FOLH1: variants seen among roughly 807,000 people sequenced by gnomAD.
FOLH1 encodes the protein glutamate carboxypeptidase 2.
Under a neutral mutation model 93.9 loss-of-function variants are expected in FOLH1, and 54 were observed. That is an observed-to-expected ratio of 0.57 (90% confidence interval 0.46 to 0.72). The LOEUF (loss-of-function observed/expected upper bound fraction) is 0.72. Ranked by LOEUF, FOLH1 falls within the 30% of genes least tolerant of loss-of-function variation. The pLI is 0.00. For synonymous variants in FOLH1, 249 were observed against 303.6 expected, an observed-to-expected ratio of 0.82 and a Z score of 1.87; for missense variants, 571 against 892.5, an observed-to-expected ratio of 0.64 and a Z score of 4.59.
At chr11:49,182,261 G>T (rs976102857) in intron 7 of FOLH1, among the ~76,000 whole-genome samples, 2 of 150,166 alleles carry the variant, frequency 1.3e-5, no homozygotes, top group African/African-American at 4.9e-5. Flanking sequence ...CCCAGGAGGC[G>T]GGGGTTGCAG....
intron 11 of FOLH1, among the ~76,000 whole-genome samples, chr11:49,170,244 T>C (rs991909922): frequency 6.6e-6 from 1 of 152,228 alleles, no homozygotes. Flanking sequence ...AAATATTCTG[T>C]GGTGGAAATT....
intron 3 of FOLH1, among the ~76,000 whole-genome samples, chr11:49,194,132 CAA>C (rs55656827): frequency 2.4e-4 from 17 of 71,564 alleles, no homozygotes; most frequent in African/African-American, 5.8e-4. Context: ...GCCTGGGTGA[CAA>C]AAAAAAAAAA....
chr11:49,208,040 T>G (rs1864169956), intron 1 of FOLH1: 1 of 645,018 alleles, frequency 1.6e-6, no homozygotes, highest in Admixed American at 2.3e-5. Context: ...ACGCCCAGTT[T>G]CAGGTTCTCT....
In FOLH1 at chr11:49,156,716, C is replaced by A; in HGVS notation, c.1623+1G>T. The A allele has an allele frequency of 6.2e-7, 1 of 1,612,486 alleles. No homozygotes were observed. The highest frequency in any genetic ancestry group is 2.2e-5 in the East Asian group (1 of 44,732). On this transcript the variant is annotated splice_donor_variant, in intron 15 of 18. Transcript: ENST00000256999. LOFTEE classifies it high-confidence loss of function. ...TCTTAGATAATTTGAGATTCACTTA[C>A]CCAATTTTTAGTATACCGTGCTCTG... is the stretch of plus-strand genomic sequence containing the variant.
At chr11:49,155,908 T>C (rs946238471) in intron 15 of FOLH1, among the ~76,000 whole-genome samples, 45 of 149,326 alleles carry the variant, frequency 3.0e-4, no homozygotes, top group Non-Finnish European at 2.7e-4. Context: ...GATTTGACTC[T>C]GTGTCCCCAC....
chr11:49,166,557 G>A (rs1299376014), intron 12 of FOLH1, among the ~76,000 whole-genome samples: 1 of 152,158 alleles, frequency 6.6e-6, no homozygotes, highest in African/African-American at 2.4e-5. Flanking sequence ...CAACATGATG[G>A]AAACACCCAA....
In FOLH1 at chr11:49,200,166, G is replaced by C. The variant is rs376750461; in HGVS notation, c.411+89C>G. 2.0e-5 allele frequency: 23 copies of C among 1,153,102 alleles called. No homozygotes were observed. The African/African-American group carries it at 3.1e-4, about 16-fold the overall frequency. 71.4% of individuals were successfully genotyped at this position (1,153,102 alleles called of 1,614,324 possible). ...TAATATTGATTTCTATTAATATTTA[G>C]AGATGGGATAGAACATTATTTCATA... On this transcript the variant is annotated intron_variant, in intron 3 of 18. Transcript: ENST00000256999.
intron 7 of FOLH1, among the ~76,000 whole-genome samples, chr11:49,177,858 G>A (rs1213878981): frequency 3.3e-5 from 5 of 151,568 alleles, no homozygotes; most frequent in African/African-American, 7.3e-5. Context: ...AGCTATTTGG[G>A]AGGCTGAGGC....
Position 49,185,798 on chromosome 11 carries a change from C to A in FOLH1, c.697G>T (p.Asp233Tyr). 1 of 1,606,254 alleles carries A rather than the reference C, an allele frequency of 6.2e-7. No homozygotes were observed. Among genetic ancestry groups the A allele is most frequent in the Non-Finnish European group, 8.5e-7 (1 of 1,177,276 alleles). ...GACTTCACCCCAGGAGCAAAGTAGT[C>A]AGCAGGGTCGGAGTAGAGAATGACT... ...KGVILYSDPA[D>Y]YFAPGVKSYP... Residue 233 changes from aspartate (D) to tyrosine (Y), a missense_variant, in exon 6 of 19, where the codon GAC becomes TAC. By Grantham distance (160) the Asp-to-Tyr change is radical. Transcript: ENST00000256999.
intron 13 of FOLH1, among the ~76,000 whole-genome samples, chr11:49,160,720 G>A (rs1269808889): frequency 6.6e-6 from 1 of 152,172 alleles, no homozygotes; most frequent in African/African-American, 2.4e-5. Context: ...GGGATTACAG[G>A]TGTGAGCCAC....
At chr11:49,191,904 T>C (rs1328060276) in intron 4 of FOLH1, among the ~76,000 whole-genome samples, 2 of 152,302 alleles carry the variant, frequency 1.3e-5, no homozygotes, top group East Asian at 3.9e-4. Context: ...TTCCCCATGT[T>C]GGCCAGGCTG....
At chr11:49,194,292 A>G (rs549569700) in intron 3 of FOLH1, among the ~76,000 whole-genome samples, 2 of 152,150 alleles carry the variant, frequency 1.3e-5, no homozygotes, top group South Asian at 2.1e-4. Flanking sequence ...CTGTTTATAT[A>G]GTATGCCTCA....
At chr11:49,171,885 C>T (rs1859358246) in intron 10 of FOLH1, among the ~76,000 whole-genome samples, 1 of 152,064 alleles carries the variant, frequency 6.6e-6, no homozygotes, top group Non-Finnish European at 1.5e-5. Flanking sequence ...CTGGTTCTCT[C>T]ACTAGCAGCG....
chr11:49,167,754 G>C (rs1858587890), intron 12 of FOLH1, among the ~76,000 whole-genome samples: 1 of 152,022 alleles, frequency 6.6e-6, no homozygotes, highest in Non-Finnish European at 1.5e-5. Flanking sequence ...ATCAAGACTA[G>C]TGAGCCATGA....
rs187508506 is a variant in FOLH1, at chr11:49,166,376, C to A, written c.1373-1604G>T. ...TGTGGCCTTGGGAAAATTACTTAACCTCTCTGAGTGTCAGTTTCTTCTTTT... is the reference window on the plus strand; with the variant it reads ...TGTGGCCTTGGGAAAATTACTTAACATCTCTGAGTGTCAGTTTCTTCTTTT... On this transcript the variant is annotated intron_variant, in intron 12 of 18. Coordinates refer to ENST00000256999, the MANE Select transcript of FOLH1 (RefSeq NM_004476.3). Among the ~76,000 whole-genome samples the A allele has an allele frequency of 3.2e-3, 483 of 152,286 alleles. 3 individuals are homozygous for A. The highest frequency in any genetic ancestry group is 0.011 in the African/African-American group (472 of 41,556).
Position 49,146,411 on chromosome 11 carries a change from C to T in FOLH1, c.*345G>A, listed in dbSNP as rs1855784503. Among the ~76,000 whole-genome samples the T allele has an allele frequency of 6.6e-6, 1 of 152,166 alleles. No homozygotes were observed. Among genetic ancestry groups the T allele is most frequent in the Admixed American group, 6.5e-5 (1 of 15,268 alleles). On this transcript the variant is annotated 3_prime_UTR_variant, in exon 19 of 19. Transcript: ENST00000256999. The stretch of plus-strand genomic sequence containing the variant: ...GCATATTCCCCAGTGTGCTCTCTGA[C>T]ATACTGATGTTTTCTTCTGTGTGAA...
intron 12 of FOLH1, among the ~76,000 whole-genome samples, chr11:49,167,040 C>CA (rs1250125657): frequency 1.1e-3 from 122 of 109,972 alleles, no homozygotes; most frequent in African/African-American, 3.0e-3. Flanking sequence ...ACAACAACAA[C>CA]AACAACAAAA....
intron 5 of FOLH1, 46 bp downstream of exon 5, chr11:49,186,598 C>G: frequency 6.4e-7 from 1 of 1,572,176 alleles, no homozygotes; most frequent in Non-Finnish European, 8.6e-7. Flanking sequence ...CCCACTATAA[C>G]TTTTTACATT....
At chr11:49,154,624 C>A (rs899168981) in intron 15 of FOLH1, 132 bp from the exon 16 acceptor site, 43 of 1,462,488 alleles carry the variant, frequency 2.9e-5, no homozygotes, top group Non-Finnish European at 3.9e-5. Context: ...TCTCAATAAG[C>A]TACATCCTAA....
Sources: allele counts gnomAD v4.1 joint callset (sites outside exome capture counted in the v4.1 genomes callset), GRCh38; gene constraint gnomAD v4.1.1; transcripts MANE v1.5; gene names NCBI Gene and HGNC (gene_info 2026-07-23, HGNC 2026-07-21).